The following SSBP2 variants were observed in gnomAD, a reference collection of about 807,000 sequenced individuals.
SSBP2 encodes the protein single-stranded DNA-binding protein 2.
Under a neutral mutation model 61.8 loss-of-function variants are expected in SSBP2, and 17 were observed. The observed-to-expected ratio is 0.28, with a 90% CI of 0.19 to 0.41. The LOEUF (loss-of-function observed/expected upper bound fraction) is 0.41, where lower values mean the gene tolerates loss of function less well. Ranked by LOEUF, SSBP2 falls within the 10% of genes least tolerant of loss-of-function variation. The pLI is 1.00. For synonymous variants in SSBP2, 139 were observed against 141.3 expected, an observed-to-expected ratio of 0.98 and a Z score of 0.12; for missense variants, 310 against 458.7, an observed-to-expected ratio of 0.68 and a Z score of 2.96.
At chr5:81,643,558 TA>T in intron 2 of SSBP2, among the ~76,000 whole-genome samples, 1 of 150,808 alleles carries the variant, frequency 6.6e-6, no homozygotes, top group Middle Eastern at 3.5e-3. Flanking sequence ...AAACCAAATG[TA>T]AAAAAAGTTG....
chr5:81,689,349 T>C (rs1217798596), intron 1 of SSBP2, among the ~76,000 whole-genome samples: 2 of 152,096 alleles, frequency 1.3e-5, no homozygotes, highest in Non-Finnish European at 2.9e-5. Flanking sequence ...AGAAAGGTAT[T>C]AATATTTAAG....
intron 1 of SSBP2, among the ~76,000 whole-genome samples, chr5:81,700,638 CTT>C (rs1429492783): frequency 3.9e-5 from 6 of 152,216 alleles, no homozygotes; most frequent in Non-Finnish European, 5.9e-5. Context: ...CTGAAAATCT[CTT>C]GTTTAGGGTA....
chr5:81,690,768 C>T (rs1352879063), intron 1 of SSBP2, among the ~76,000 whole-genome samples: 1 of 152,114 alleles, frequency 6.6e-6, no homozygotes, highest in Non-Finnish European at 1.5e-5. Context: ...CTGCAGAATA[C>T]ACATTCTTCT....
intron 4 of SSBP2, among the ~76,000 whole-genome samples, chr5:81,537,754 T>C (rs1415380430): frequency 1.3e-5 from 2 of 152,130 alleles, no homozygotes; most frequent in African/African-American, 4.8e-5. Context: ...ACATAATCCA[T>C]AGATGGGTGT....
intron 4 of SSBP2, among the ~76,000 whole-genome samples, chr5:81,554,158 C>T (rs1444965275): frequency 6.6e-6 from 1 of 151,896 alleles, no homozygotes; most frequent in Non-Finnish European, 1.5e-5. Context: ...AAATAAGATC[C>T]ATTAGGACAT....
At chr5:81,597,960 A>G (rs1743955559) in intron 4 of SSBP2, among the ~76,000 whole-genome samples, 1 of 152,070 alleles carries the variant, frequency 6.6e-6, no homozygotes, top group African/African-American at 2.4e-5. Flanking sequence ...ATACATATGT[A>G]ACAAACCTGC....
chr5:81,420,208 G>A lies in SSBP2; in HGVS notation c.*296C>T. The A allele has an allele frequency of 2.9e-6, 1 of 347,802 alleles. No individual in the cohort carries two copies. The highest frequency in any genetic ancestry group is 5.2e-6 in the Non-Finnish European group (1 of 192,422). The allele number at this position is 347,802 out of a possible 1,614,324, so 21.5% of individuals were successfully genotyped here. ...TGGGTCAATGTATGTATGTGTATATGTCTGTATAACATACACATATACAGT... is the reference window on the plus strand; with the variant it reads ...TGGGTCAATGTATGTATGTGTATATATCTGTATAACATACACATATACAGT... On this transcript the variant is annotated 3_prime_UTR_variant, in exon 17 of 17. Transcript: ENST00000320672.
chr5:81,435,003 T>C (rs1241774795), intron 15 of SSBP2, among the ~76,000 whole-genome samples: 1 of 152,072 alleles, frequency 6.6e-6, no homozygotes, highest in Non-Finnish European at 1.5e-5. Flanking sequence ...CAGGCACTAA[T>C]GGTACTATCA....
Position 81,513,777 on chromosome 5 carries a change from A to ACTAAT in SSBP2, c.283-65_283-61dup, listed in dbSNP as rs1410326651. The ACTAAT allele has an allele frequency of 1.4e-5, 15 of 1,069,004 alleles. No homozygotes were observed. The Admixed American group carries it at 2.8e-4, about 20-fold the overall frequency. The allele number at this position is 1,069,004 out of a possible 1,614,324, so 66.2% of individuals were successfully genotyped here. ...TTACAGAGAAGGCACAAAACCAAAG[A>ACTAAT]CTAATGATAATAGATTGCAGGACGG... On this transcript the variant is annotated intron_variant, in intron 4 of 16. Coordinates refer to ENST00000320672, the MANE Select transcript of SSBP2 (RefSeq NM_012446.5).
At chr5:81,458,393 A>T (rs1056710912) in intron 10 of SSBP2, among the ~76,000 whole-genome samples, 1 of 152,226 alleles carries the variant, frequency 6.6e-6, no homozygotes, top group Non-Finnish European at 1.5e-5. Context: ...AAGTTTCAGG[A>T]AATTTAAACA....
intron 6 of SSBP2, among the ~76,000 whole-genome samples, chr5:81,484,709 T>C (rs1766254693): frequency 6.6e-6 from 1 of 152,144 alleles, no homozygotes. Flanking sequence ...TAAATTTAAT[T>C]CTATAACATG....
At chr5:81,618,360 C>G (rs1746261389) in intron 3 of SSBP2, among the ~76,000 whole-genome samples, 1 of 99,642 alleles carries the variant, frequency 1.0e-5, no homozygotes, top group Non-Finnish European at 2.2e-5. Context: ...CAAAGAAGGC[C>G]ATTACATAAT....
intron 1 of SSBP2, among the ~76,000 whole-genome samples, chr5:81,705,580 T>G (rs948608373): frequency 2.6e-5 from 4 of 152,204 alleles, no homozygotes; most frequent in African/African-American, 9.6e-5. Flanking sequence ...CGCAATTAGA[T>G]GTCAACTAAT....
intron 1 of SSBP2, among the ~76,000 whole-genome samples, chr5:81,727,548 T>TC (rs1348483077): frequency 1.4e-5 from 2 of 146,104 alleles, no homozygotes; most frequent in Non-Finnish European, 3.1e-5. Context: ...AAACTCCACC[T>TC]CAAAAAAAAA....
chr5:81,727,867 T>C (rs1229942991), intron 1 of SSBP2, among the ~76,000 whole-genome samples: 7 of 152,142 alleles, frequency 4.6e-5, no homozygotes, highest in African/African-American at 7.2e-5. Flanking sequence ...TGTTACAGGA[T>C]ACAAGTGAAA....
chr5:81,501,402 T>G (rs578029778), intron 5 of SSBP2, among the ~76,000 whole-genome samples: 1 of 149,240 alleles, frequency 6.7e-6, no homozygotes, highest in East Asian at 2.0e-4. Flanking sequence ...CAGAGAGTAT[T>G]TGTAGAATAC....
intron 4 of SSBP2, among the ~76,000 whole-genome samples, chr5:81,608,806 C>T (rs912976085): frequency 6.6e-6 from 1 of 151,888 alleles, no homozygotes; most frequent in African/African-American, 2.4e-5. Flanking sequence ...GCAGAAATAG[C>T]TATTTTAATG....
At chr5:81,714,618 T>C (rs368932839) in intron 1 of SSBP2, among the ~76,000 whole-genome samples, 2 of 152,244 alleles carry the variant, frequency 1.3e-5, no homozygotes, top group South Asian at 2.1e-4. Context: ...TGGTATCTCA[T>C]TGTGGTTTTG....
chr5:81,741,872 T>TA (rs1158683674), intron 1 of SSBP2, among the ~76,000 whole-genome samples: 11 of 152,230 alleles, frequency 7.2e-5, no homozygotes, highest in Admixed American at 5.9e-4. Flanking sequence ...AGTACTGACA[T>TA]AAACTTTTAA....
Sources: allele counts gnomAD v4.1 joint callset (sites outside exome capture counted in the v4.1 genomes callset), GRCh38; gene constraint gnomAD v4.1.1; transcripts MANE v1.5; gene names NCBI Gene and HGNC (gene_info 2026-07-23, HGNC 2026-07-21).